The following TMEM161B variants were observed in gnomAD, a reference collection of about 807,000 sequenced individuals.
TMEM161B encodes the protein transmembrane protein 161B.
In TMEM161B, 34 loss-of-function variants were observed where a neutral mutation model predicts 61.8. That is an observed-to-expected ratio of 0.55 (90% confidence interval 0.42 to 0.73). TMEM161B has a LOEUF of 0.73. TMEM161B is among the 30% of genes least tolerant of loss of function. The pLI is 0.00. For synonymous variants in TMEM161B, 167 were observed against 192.8 expected (o/e 0.87, Z 1.11); for missense variants, 456 against 558.5 (o/e 0.82, Z 1.85).
At chr5:88,204,786 T>C (rs1745125672) in intron 8 of TMEM161B, among the ~76,000 whole-genome samples, 2 of 148,258 alleles carry the variant, frequency 1.3e-5, no homozygotes, top group South Asian at 2.1e-4. Flanking sequence ...AAGGAGTGTG[T>C]AGTGGGAGGC....
intron 4 of TMEM161B, among the ~76,000 whole-genome samples, chr5:88,225,017 G>A (rs1749775311): frequency 7.0e-6 from 1 of 143,602 alleles, no homozygotes; most frequent in Non-Finnish European, 1.5e-5. Context: ...GCCCAGGCTG[G>A]AGTGCGGTGG....
At chr5:88,201,687 G>T (rs1414197635) in intron 9 of TMEM161B, 1 of 152,114 alleles carries the variant, frequency 6.6e-6, no homozygotes, top group Non-Finnish European at 1.5e-5. Flanking sequence ...CAGTATCAAA[G>T]ATATGAATTA....
Position 88,200,548 on chromosome 5 carries a change from T to C in TMEM161B, c.915-1398A>G, listed in dbSNP as rs1352246943. 5 of 152,086 alleles carry C rather than the reference T, an allele frequency of 3.3e-5. No individual in the cohort carries two copies. The East Asian group carries it at 9.6e-4, about 29-fold the overall frequency. The allele number at this position is 152,086 out of a possible 1,614,324, so 9.4% of individuals were successfully genotyped here. ...CGTGAATGAAAGGAACAGAATAAGG[T>C]AGTGAACTAGAAAATTATTTGTTCA... On this transcript the variant is annotated intron_variant, in intron 9 of 11. Transcript: ENST00000296595.
intron 2 of TMEM161B, 102 bp from the exon 3 acceptor site, chr5:88,228,630 T>A (rs1750462689): frequency 1.2e-6 from 1 of 819,254 alleles, no homozygotes; most frequent in South Asian, 1.9e-5. Context: ...GAAGACACTG[T>A]CGAGAAATAT....
At chr5:88,234,112 G>T (rs780398) in intron 2 of TMEM161B, among the ~76,000 whole-genome samples, 1 of 151,946 alleles carries the variant, frequency 6.6e-6, no homozygotes. Context: ...TTCTTTATTC[G>T]TTGTTGTTAC....
rs1304807150 is a variant in TMEM161B, at chr5:88,203,083, T to G, written c.801-8A>C. ...TTGATATGAAGTAAAGTTCTGAAAG[T>G]ACGTAAGAAATAAATATAAAAATTC... On this transcript the variant is annotated splice_region_variant and splice_polypyrimidine_tract_variant and intron_variant, in intron 8 of 11. Transcript: ENST00000296595. 6.6e-7 allele frequency: 1 copy of G among 1,504,120 alleles called. No individual in the cohort carries two copies. The highest frequency in any genetic ancestry group is 1.4e-5 in the African/African-American group (1 of 73,512). 93.2% of individuals were successfully genotyped at this position (1,504,120 alleles called of 1,614,324 possible).
chr5:88,252,013 G>T (rs571280844), intron 1 of TMEM161B, among the ~76,000 whole-genome samples: 1 of 152,190 alleles, frequency 6.6e-6, no homozygotes, highest in South Asian at 2.1e-4. Context: ...TAAAACCCAA[G>T]ATTAACATAT....
At chr5:88,208,589 C>T (rs1322309839) in intron 5 of TMEM161B, among the ~76,000 whole-genome samples, 1 of 152,164 alleles carries the variant, frequency 6.6e-6, no homozygotes, top group Non-Finnish European at 1.5e-5. Flanking sequence ...TTGCAGTGAG[C>T]CGAGATAGCA....
downstream of TMEM161B, among the ~76,000 whole-genome samples, chr5:88,187,713 A>C (rs1239625637): frequency 6.6e-6 from 1 of 151,982 alleles, no homozygotes; most frequent in Non-Finnish European, 1.5e-5. Flanking sequence ...TTCTCCTTGA[A>C]CCAATTTTGA....
intron 2 of TMEM161B, among the ~76,000 whole-genome samples, chr5:88,239,665 T>G (rs1752413421): frequency 6.6e-6 from 1 of 151,992 alleles, no homozygotes; most frequent in African/African-American, 2.4e-5. Context: ...TATCACATTG[T>G]TCCAAAAAAA....
In TMEM161B at chr5:88,240,713, TC is replaced by T. The variant is rs1273218098; in HGVS notation, c.107+99del. The stretch of plus-strand genomic sequence containing the variant: ...AGAAAGCTAGATTTTTCTTATGACT[TC>T]CTTTTGTTAAAGTTTTAGAAACAGT... On this transcript the variant is annotated intron_variant, in intron 2 of 11. Transcript: ENST00000296595. 3.1e-6 allele frequency: 3 copies of T among 980,714 alleles called. No homozygotes were observed. In the African/African-American group the frequency reaches 5.0e-5, roughly 16 times the overall value. The allele number at this position is 980,714 out of a possible 1,614,324, so 60.8% of individuals were successfully genotyped here.
intron 1 of TMEM161B, among the ~76,000 whole-genome samples, chr5:88,255,082 G>T (rs757923209): frequency 2.6e-5 from 4 of 152,180 alleles, no homozygotes; most frequent in Admixed American, 2.0e-4. Context: ...CTCTGGCAAT[G>T]TGACTAAGAG....
At chr5:88,258,828 C>T (rs934709204) in intron 1 of TMEM161B, among the ~76,000 whole-genome samples, 1 of 152,108 alleles carries the variant, frequency 6.6e-6, no homozygotes, top group Non-Finnish European at 1.5e-5. Context: ...CAAAAATCAG[C>T]TAAGCGCTGT....
intron 5 of TMEM161B, among the ~76,000 whole-genome samples, chr5:88,219,597 C>T (rs1748543425): frequency 6.6e-6 from 1 of 152,018 alleles, no homozygotes; most frequent in African/African-American, 2.4e-5. Flanking sequence ...AAGAAAAAAG[C>T]TTCCAGAGGG....
At chr5:88,189,674 T>G (rs1748590309) in exon 13 of TMEM161B, 1 of 170,580 alleles carries the variant, frequency 5.9e-6, no homozygotes, top group South Asian at 1.6e-4. Context: ...CTAAAGCCTG[T>G]AGCTGTCGCT....
intron 3 of TMEM161B, among the ~76,000 whole-genome samples, chr5:88,227,926 T>G (rs757649212): frequency 6.6e-6 from 1 of 152,218 alleles, no homozygotes. Flanking sequence ...GAGGCTTCTA[T>G]GGTCTGTTCT....
chr5:88,206,077 A>G (rs1745408291), intron 7 of TMEM161B, 123 bp from the exon 8 acceptor site: 1 of 816,730 alleles, frequency 1.2e-6, no homozygotes, highest in African/African-American at 1.7e-5. Context: ...ATTTCTACAA[A>G]AAGATTGCTA....
At chr5:88,225,931 CA>C (rs1480258683) in intron 3 of TMEM161B, 65 bp from the exon 4 acceptor site, 1 of 998,234 alleles carries the variant, frequency 1.0e-6, no homozygotes. Context: ...GTGCTTGTTT[CA>C]AACTAATTAC....
At chr5:88,208,888 T>C (rs1746125194) in intron 5 of TMEM161B, among the ~76,000 whole-genome samples, 1 of 152,196 alleles carries the variant, frequency 6.6e-6, no homozygotes, top group Non-Finnish European at 1.5e-5. Context: ...AGAACTGCCC[T>C]GACAGAAGTA....
Sources: gnomAD v4.1 joint callset for allele counts (sites outside exome capture counted in the v4.1 genomes callset) on GRCh38, gnomAD v4.1.1 for gene constraint, MANE v1.5 for transcripts, NCBI Gene and HGNC (gene_info 2026-07-23, HGNC 2026-07-21) for gene names.